SCFD2: variants seen among roughly 807,000 people sequenced by gnomAD.
The protein encoded by SCFD2 is sec1 family domain-containing protein 2.
SCFD2 carries 54 observed loss-of-function variants against 58.9 expected under a neutral mutation model. The ratio of observed to expected loss-of-function variants is 0.92; its 90% CI spans 0.74 to 1.15. The LOEUF is 1.15. Among genes scored for constraint, SCFD2 ranks in the 50% most tolerant of loss-of-function variants. The pLI, the probability that SCFD2 is intolerant of heterozygous loss-of-function variation, is 0.00. For missense variants in SCFD2, 805 were observed against 836.6 expected, an observed-to-expected ratio of 0.96 and a Z score of 0.47; for synonymous variants, 321 against 335.9, an observed-to-expected ratio of 0.96 and a Z score of 0.49.
At chr4:53,008,679 T>C (rs1722032504) in intron 5 of SCFD2, among the ~76,000 whole-genome samples, 1 of 152,168 alleles carries the variant, frequency 6.6e-6, no homozygotes, top group Admixed American at 6.6e-5. Context: ...TAATGAAAGC[T>C]TTCTAGAGAA....
intron 4 of SCFD2, among the ~76,000 whole-genome samples, chr4:53,248,071 C>T (rs1283551225): frequency 2.0e-5 from 3 of 152,116 alleles, no homozygotes; most frequent in Non-Finnish European, 1.5e-5. Flanking sequence ...TGCAGCGCAC[C>T]ATGCGCCACC....
chr4:53,153,283 T>C (rs1577782061), intron 4 of SCFD2, among the ~76,000 whole-genome samples: 1 of 152,226 alleles, frequency 6.6e-6, no homozygotes, highest in African/African-American at 2.4e-5. Flanking sequence ...ATACATCTTC[T>C]GAAATCTAGG....
At chr4:53,138,521 A>G (rs1187881183) in intron 5 of SCFD2, among the ~76,000 whole-genome samples, 1 of 152,222 alleles carries the variant, frequency 6.6e-6, no homozygotes, top group African/African-American at 2.4e-5. Context: ...TGACTGAGAA[A>G]GCATAACACT....
At chr4:53,235,022 T>C (rs1379221041) in intron 4 of SCFD2, among the ~76,000 whole-genome samples, 1 of 152,234 alleles carries the variant, frequency 6.6e-6, no homozygotes. Context: ...GCTTCCTCTA[T>C]GATCCAAGAT....
intron 3 of SCFD2, among the ~76,000 whole-genome samples, chr4:53,284,366 C>A (rs1442056828): frequency 6.6e-6 from 1 of 152,014 alleles, no homozygotes; most frequent in Admixed American, 6.5e-5. Context: ...AAAGGCAAGA[C>A]AACAATTTAA....
At chr4:53,159,688 C>A (rs1726795827) in intron 4 of SCFD2, among the ~76,000 whole-genome samples, 1 of 152,098 alleles carries the variant, frequency 6.6e-6, no homozygotes, top group Non-Finnish European at 1.5e-5. Flanking sequence ...ACCAGATTCC[C>A]CCCACCCCCT....
intron 5 of SCFD2, among the ~76,000 whole-genome samples, chr4:53,038,197 A>G (rs1722810722): frequency 6.6e-6 from 1 of 152,208 alleles, no homozygotes; most frequent in African/African-American, 2.4e-5. Flanking sequence ...AATTCTGAAA[A>G]GAAAAACGAA....
chr4:52,915,528 T>C (rs1719581267), intron 6 of SCFD2, among the ~76,000 whole-genome samples: 1 of 152,238 alleles, frequency 6.6e-6, no homozygotes. Context: ...CCTTTCATCT[T>C]CTTAAAGGAA....
intron 7 of SCFD2, among the ~76,000 whole-genome samples, chr4:52,905,099 G>A (rs977676562): frequency 2.0e-5 from 3 of 152,322 alleles, no homozygotes; most frequent in East Asian, 1.9e-4. Flanking sequence ...AAAACAACAC[G>A]AAGAAGGCTG....
intron 7 of SCFD2, among the ~76,000 whole-genome samples, chr4:52,899,875 C>A (rs886487471): frequency 5.3e-5 from 8 of 152,104 alleles, no homozygotes; most frequent in African/African-American, 1.7e-4. Flanking sequence ...CTCTAAACTT[C>A]TCTTCATGCT....
intron 4 of SCFD2, among the ~76,000 whole-genome samples, chr4:53,228,413 T>C (rs1446605243): frequency 2.0e-5 from 3 of 152,190 alleles, no homozygotes; most frequent in Non-Finnish European, 4.4e-5. Context: ...GCAAAAACCC[T>C]TATGTACAAG....
At chr4:52,939,524 T>A (rs1218124227) in intron 5 of SCFD2, among the ~76,000 whole-genome samples, 1 of 152,110 alleles carries the variant, frequency 6.6e-6, no homozygotes, top group African/African-American at 2.4e-5. Context: ...TGAGTCATTC[T>A]CCAAAAGGGA....
chr4:53,154,556 G>A (rs894585001), intron 4 of SCFD2, among the ~76,000 whole-genome samples: 8 of 152,150 alleles, frequency 5.3e-5, no homozygotes, highest in African/African-American at 1.7e-4. Flanking sequence ...ATTTGGAGGG[G>A]GCAAATATCC....
chr4:53,330,621 G>A (rs1291544930), intron 2 of SCFD2, among the ~76,000 whole-genome samples: 1 of 151,998 alleles, frequency 6.6e-6, no homozygotes, highest in Non-Finnish European at 1.5e-5. Flanking sequence ...GGAACAACCA[G>A]TACCAGCCGC....
chr4:52,948,720 C>A (rs1231904683), intron 5 of SCFD2: 1 of 326,144 alleles, frequency 3.1e-6, no homozygotes, highest in Admixed American at 3.5e-5. Context: ...AACAGAAGAA[C>A]ACGCTGGATC....
chr4:53,181,880 C>G (rs924648366), intron 4 of SCFD2, among the ~76,000 whole-genome samples: 4 of 152,112 alleles, frequency 2.6e-5, no homozygotes, highest in African/African-American at 9.7e-5. Flanking sequence ...AGAGCCAAAT[C>G]ATCAGTGAAC....
intron 5 of SCFD2, among the ~76,000 whole-genome samples, chr4:52,985,220 C>T (rs1431687112): frequency 6.6e-6 from 1 of 152,178 alleles, no homozygotes; most frequent in Non-Finnish European, 1.5e-5. Flanking sequence ...GCCCTGCTCC[C>T]TCCCAGGTAT....
intron 6 of SCFD2, among the ~76,000 whole-genome samples, chr4:52,915,009 G>A (rs938785678): frequency 1.3e-5 from 2 of 152,144 alleles, no homozygotes; most frequent in Non-Finnish European, 2.9e-5. Flanking sequence ...AATGTCTCTG[G>A]TTATTCTTTT....
rs1670309596 is a variant in SCFD2, at chr4:53,313,711, C to G, written c.1060G>C (p.Glu354Gln). The change falls in exon 3 of 9, where the codon GAG becomes CAG. Residue 354 changes from glutamate (E) to glutamine (Q), a missense_variant. Glu to Gln is a conservative substitution (Grantham distance 29, BLOSUM62 2). This residue lies in a region of SCFD2 where 633 missense variants were observed against 646.8 expected (regional missense o/e 0.98). Coordinates refer to ENST00000401642, the MANE Select transcript of SCFD2 (RefSeq NM_152540.4). ...TGTCTCCGAACTTCCATCACTGCCT[C>G]TTTGTGCTTAGTGTTCAGTAAAGCT... ...WEALLNTKHK[E>Q]AVMEVRRHLV... The G allele has an allele frequency of 6.2e-6, 10 of 1,614,080 alleles. No homozygotes were observed. The highest frequency in any genetic ancestry group is 8.5e-6 in the Non-Finnish European group (10 of 1,179,944).
Sources: allele counts gnomAD v4.1 joint callset (sites outside exome capture counted in the v4.1 genomes callset), GRCh38; gene constraint gnomAD v4.1.1; regional missense constraint gnomAD v4.1.1; transcripts MANE v1.5; gene names NCBI Gene and HGNC (gene_info 2026-07-23, HGNC 2026-07-21).